Variants in B3GAT3 observed in about 807,000 individuals in gnomAD.
The protein encoded by B3GAT3 is galactosylgalactosylxylosylprotein 3-beta-glucuronosyltransferase 3.
A neutral mutation model predicts 33.1 loss-of-function variants in B3GAT3; 19 were observed. The observed-to-expected ratio is 0.57, with a 90% CI of 0.40 to 0.84. B3GAT3 has a LOEUF of 0.84. B3GAT3 is among the 40% of genes least tolerant of loss of function. B3GAT3 has a pLI of 0.00. For synonymous variants in B3GAT3, 167 were observed against 193.5 expected (o/e 0.86, Z 1.14); for missense variants, 344 against 441.5 (o/e 0.78, Z 1.98).
intron 1 of B3GAT3, among the ~76,000 whole-genome samples, chr11:62,621,540 A>C (rs1401329475): frequency 6.6e-6 from 1 of 152,142 alleles, no homozygotes; most frequent in Non-Finnish European, 1.5e-5. Flanking sequence ...TGAGAGAGTA[A>C]TGAGCGTGGG....
intron 1 of B3GAT3, chr11:62,621,220 G>C (rs956729584): frequency 8.8e-6 from 4 of 456,516 alleles, no homozygotes; most frequent in Non-Finnish European, 1.8e-5. Flanking sequence ...TTAGGTGCTG[G>C]GGATACAGCA....
intron 4 of B3GAT3, 159 bp downstream of exon 4, chr11:62,616,347 G>T (rs955500552): frequency 3.7e-6 from 4 of 1,083,786 alleles, no homozygotes; most frequent in Non-Finnish European, 5.4e-6. Context: ...ACTTTCCCCC[G>T]CTAGTTCCCA....
intron 2 of B3GAT3, among the ~76,000 whole-genome samples, chr11:62,620,243 G>T (rs558960779): frequency 6.6e-6 from 1 of 150,892 alleles, no homozygotes; most frequent in Non-Finnish European, 1.5e-5. Context: ...GGCTGGTCTC[G>T]AACTCCTGAC....
chr11:62,621,732 C>A (rs1278509142), intron 1 of B3GAT3, 134 bp downstream of exon 1: 2 of 960,126 alleles, frequency 2.1e-6, no homozygotes, highest in Admixed American at 2.9e-5. Flanking sequence ...GAGGGCAGTG[C>A]GCCTGAGGCC....
chr11:62,621,860 G>C lies in B3GAT3; in HGVS notation c.82+6C>G, dbSNP rs1943152284. 1.2e-6 allele frequency: 2 copies of C among 1,610,046 alleles called. No individual in the cohort carries two copies. Among genetic ancestry groups the C allele is most frequent in the Non-Finnish European group, 1.7e-6 (2 of 1,178,230 alleles). ...GCCCGCCGCACCCCCGCCCCGCCCC[G>C]CTCACCGAGCTGTACCAGCGCGTAG... On this transcript the variant is annotated splice_donor_region_variant and intron_variant, in intron 1 of 4. Coordinates refer to ENST00000265471, the MANE Select transcript of B3GAT3 (RefSeq NM_012200.4).
Position 62,617,015 on chromosome 11 carries a change from T to G in B3GAT3, c.590A>C (p.Asn197Thr), listed in dbSNP as rs1842716430. Residue 197 changes from asparagine (N) to threonine (T), a missense_variant, in exon 3 of 5, where the codon AAC (asparagine) becomes ACC (threonine). Asn to Thr is a moderately conservative substitution (Grantham distance 65). Transcript: ENST00000265471. ...QGVVYFADDDNTYSRELFEEM... is the reference protein window; with the variant it reads ...QGVVYFADDDTTYSRELFEEM... ...CTCAAACAGCTCCCGGCTGTAGGTG[T>G]TGTCATCGTCAGCAAAGTAGACGAC... 1 of 1,614,198 alleles carries G rather than the reference T, an allele frequency of 6.2e-7. No individual in the cohort carries two copies. Among genetic ancestry groups the G allele is most frequent in the Non-Finnish European group, 8.5e-7 (1 of 1,180,034 alleles).
At chr11:62,617,490 G>C in intron 2 of B3GAT3, 143 bp from the exon 3 acceptor site, 2 of 1,141,914 alleles carry the variant, frequency 1.8e-6, no homozygotes, top group Admixed American at 4.0e-5. Flanking sequence ...TTTCTTGCCT[G>C]TCAACTTCAT....
At chr11:62,617,431 A>G (rs1943056871) in intron 2 of B3GAT3, 84 bp from the exon 3 acceptor site, 2 of 1,581,046 alleles carry the variant, frequency 1.3e-6, no homozygotes, top group Non-Finnish European at 1.7e-6. Context: ...CTCCTGGGCC[A>G]CTGCCTGCGT....
At chr11:62,617,599 C>T (rs781238653) in intron 2 of B3GAT3, 9 of 579,218 alleles carry the variant, frequency 1.6e-5, no homozygotes, top group Non-Finnish European at 2.5e-5. Context: ...GGCACAGGGC[C>T]GGGCATGGTG....
At chr11:62,619,312 A>G (rs1177640804) in intron 2 of B3GAT3, among the ~76,000 whole-genome samples, 1 of 152,088 alleles carries the variant, frequency 6.6e-6, no homozygotes, top group Non-Finnish European at 1.5e-5. Context: ...AGAGCTTCCT[A>G]TGCGTGAATG....
Position 62,617,035 on chromosome 11 carries a change from G to T in B3GAT3, c.570C>A (p.Val190=), listed in dbSNP as rs1159178067. The T allele has an allele frequency of 3.7e-6, 6 of 1,614,220 alleles. No individual in the cohort carries two copies. The highest frequency in any genetic ancestry group is 5.1e-6 in the Non-Finnish European group (6 of 1,180,036). ...AGGTGTTGTCATCGTCAGCAAAGTA[G>T]ACGACTCCTTGGGTCCCTGGTGGTG... The part of the protein sequence containing the change: ...DPPPPGTQGV[V]YFADDDNTYS... The change falls in exon 3 of 5, where the codon GTC becomes GTA. Residue 190 remains valine, a synonymous_variant. Transcript: ENST00000265471.
intron 2 of B3GAT3, among the ~76,000 whole-genome samples, chr11:62,618,637 G>A (rs1943080119): frequency 6.8e-6 from 1 of 146,966 alleles, no homozygotes; most frequent in African/African-American, 2.5e-5. Context: ...ACCCAGCCTA[G>A]ATGACAGAGC....
rs1431509500 is a variant in B3GAT3, at chr11:62,615,458, C to T, written c.*243G>A. ...CCTGGGTCCATCTGTCCTTCTGTTC[C>T]ACCCTAGACAGGGCCAACCTGACTC... On this transcript the variant is annotated 3_prime_UTR_variant, in exon 5 of 5. Coordinates refer to ENST00000265471, the MANE Select transcript of B3GAT3 (RefSeq NM_012200.4). 3 of 658,540 alleles carry T rather than the reference C, an allele frequency of 4.6e-6. No individual in the cohort carries two copies. The African/African-American group carries it at 5.5e-5, about 12-fold the overall frequency. The allele number at this position is 658,540 out of a possible 1,614,324, so 40.8% of individuals were successfully genotyped here. A position where few individuals can be genotyped will look rare whatever the true frequency, so the allele number is the denominator to read the frequency against.
chr11:62,621,770 T>C, intron 1 of B3GAT3, 96 bp downstream of exon 1: 1 of 1,312,194 alleles, frequency 7.6e-7, no homozygotes, highest in South Asian at 1.4e-5. Flanking sequence ...GCCGAGCGGA[T>C]GAATGGTGTT....
intron 2 of B3GAT3, among the ~76,000 whole-genome samples, chr11:62,619,394 T>C (rs1943098839): frequency 6.6e-6 from 1 of 152,090 alleles, no homozygotes; most frequent in African/African-American, 2.4e-5. Context: ...CATTCCCCAA[T>C]TGGTTTTATT....
At chr11:62,616,242 T>TA (rs759448109) in intron 4 of B3GAT3, 2 of 472,952 alleles carry the variant, frequency 4.2e-6, no homozygotes, top group African/African-American at 2.1e-5. Flanking sequence ...AGACTCTGTC[T>TA]GAAAAAAAAA....
In B3GAT3 at chr11:62,616,743, C is replaced by T. The variant is rs750910094; in HGVS notation, c.672G>A (p.Leu224=). The change falls in exon 4 of 5, where the codon CTG becomes CTA. Residue 224 remains leucine, a synonymous_variant. Coordinates refer to ENST00000265471, the MANE Select transcript of B3GAT3 (RefSeq NM_012200.4). Reference sequence around the variant, plus strand: ...CCTGTACCTGAGGGCCCTCGAATCGCAGGCCGCCCACCAGCCCCACAGGCC... The same window carrying T: ...CCTGTACCTGAGGGCCCTCGAATCGTAGGCCGCCCACCAGCCCCACAGGCC... ...SVWPVGLVGG[L]RFEGPQVQDG... 1 of 1,614,022 alleles carries T rather than the reference C, an allele frequency of 6.2e-7. No homozygotes were observed. The highest frequency in any genetic ancestry group is 8.5e-7 in the Non-Finnish European group (1 of 1,179,968).
rs1184356720 is a variant in B3GAT3 at position 62,620,604 on chromosome 11, CCTCAGATCCTTCTGCCGTAGCTG to C, written c.127_149del (p.Gln43AspfsTer20). 6.2e-7 allele frequency: 1 copy of C among 1,612,730 alleles called. No individual in the cohort carries two copies. Among genetic ancestry groups the C allele is most frequent in the Non-Finnish European group, 8.5e-7 (1 of 1,179,452 alleles). ...GGAGTTCCGCTTGCAGCTGGGAAAT[CCTCAGATCCTTCTGCCGTAGCTG>C]CTCGGCTGCTGCCCGCAGGGGAGGA... On this transcript the variant is annotated frameshift_variant, in exon 2 of 5. Coordinates refer to ENST00000265471, the MANE Select transcript of B3GAT3 (RefSeq NM_012200.4). LOFTEE classifies it high-confidence loss of function.
chr11:62,619,607 C>T (rs1565077894), intron 2 of B3GAT3, among the ~76,000 whole-genome samples: 1 of 151,574 alleles, frequency 6.6e-6, no homozygotes, highest in Non-Finnish European at 1.5e-5. Flanking sequence ...TCTCCACTCA[C>T]TGCAACCTCC....
Sources: gnomAD v4.1 joint callset for allele counts (sites outside exome capture counted in the v4.1 genomes callset) on GRCh38, gnomAD v4.1.1 for gene constraint, MANE v1.5 for transcripts, NCBI Gene and HGNC (gene_info 2026-07-23, HGNC 2026-07-21) for gene names.